Variants in ATRNL1 observed in about 807,000 individuals in gnomAD.
The protein encoded by ATRNL1 is attractin like 1.
ATRNL1 carries 95 observed loss-of-function variants against 182.7 expected under a neutral mutation model. The observed-to-expected ratio is 0.52, with a 90% CI of 0.44 to 0.62. ATRNL1 has a LOEUF of 0.62. ATRNL1 is among the 20% of genes least tolerant of loss of function. The pLI is 0.00. For synonymous variants in ATRNL1, 576 were observed against 568.3 expected, an observed-to-expected ratio of 1.01 and a Z score of -0.19; for missense variants, 1,471 against 1,679.5, an observed-to-expected ratio of 0.88 and a Z score of 2.17.
At chr10:115,868,313 T>C (rs1202297303) in intron 28 of ATRNL1, among the ~76,000 whole-genome samples, 1 of 152,194 alleles carries the variant, frequency 6.6e-6, no homozygotes, top group Non-Finnish European at 1.5e-5. Context: ...CATTGTAATC[T>C]GACTTCAGTA....
chr10:115,789,944 A>G (rs1949487844), intron 27 of ATRNL1, among the ~76,000 whole-genome samples: 1 of 152,226 alleles, frequency 6.6e-6, no homozygotes. Flanking sequence ...ATTGAAGGAT[A>G]GTGAAGAAGA....
At chr10:115,125,962 C>T (rs1445184362) in intron 3 of ATRNL1, among the ~76,000 whole-genome samples, 11 of 152,090 alleles carry the variant, frequency 7.2e-5, no homozygotes, top group South Asian at 2.1e-4. Flanking sequence ...TCAGTTGGTC[C>T]GAATTTCCTG....
At chr10:115,542,898 A>G (rs1217606708) in intron 25 of ATRNL1, among the ~76,000 whole-genome samples, 1 of 152,136 alleles carries the variant, frequency 6.6e-6, no homozygotes, top group African/African-American at 2.4e-5. Context: ...AGAGAGGGAG[A>G]GTATGCAAGT....
chr10:115,171,489 A>G (rs1847292574), intron 8 of ATRNL1, 197 bp downstream of exon 8: 1 of 423,052 alleles, frequency 2.4e-6, no homozygotes, highest in Non-Finnish European at 4.1e-6. Flanking sequence ...CTTTTTAACC[A>G]AATGAGGGGA....
intron 21 of ATRNL1, among the ~76,000 whole-genome samples, chr10:115,451,485 A>G (rs1554967614): frequency 1.3e-5 from 2 of 152,192 alleles, no homozygotes; most frequent in Non-Finnish European, 2.9e-5. Context: ...AAAGACATAC[A>G]TGTGGCCAAG....
chr10:115,315,771 T>C, intron 18 of ATRNL1, 35 bp downstream of exon 18: 1 of 1,537,900 alleles, frequency 6.5e-7, no homozygotes, highest in East Asian at 2.3e-5. Context: ...TTTCAGTTTC[T>C]GCTTAAGGGA....
chr10:115,172,037 A>G (rs533411309), intron 8 of ATRNL1, among the ~76,000 whole-genome samples: 2 of 152,038 alleles, frequency 1.3e-5, no homozygotes, highest in Non-Finnish European at 2.9e-5. Flanking sequence ...ACAACTATAT[A>G]TACAACTATT....
chr10:115,204,614 C>T (rs963840646), intron 8 of ATRNL1, among the ~76,000 whole-genome samples: 2 of 152,022 alleles, frequency 1.3e-5, no homozygotes, highest in Admixed American at 6.6e-5. Flanking sequence ...ATTAACCCAT[C>T]ATTGCTTCTT....
intron 25 of ATRNL1, among the ~76,000 whole-genome samples, chr10:115,526,277 C>A (rs530754403): frequency 6.6e-6 from 1 of 152,224 alleles, no homozygotes; most frequent in Middle Eastern, 3.4e-3. Flanking sequence ...ACAATTAGAT[C>A]ATCATCCTGC....
Position 115,268,460 on chromosome 10 carries a change from TA to T in ATRNL1, c.2100+19del, listed in dbSNP as rs1554911686. ...CTGCAGTATGGTTAGTATTTATGGG[TA>T]AATGGTGCTGTAGTTACAACAGACT... On this transcript the variant is annotated intron_variant, in intron 13 of 28. Transcript: ENST00000355044. The T allele has an allele frequency of 6.1e-6, 9 of 1,481,196 alleles. No individual in the cohort carries two copies. Among genetic ancestry groups the T allele is most frequent in the African/African-American group, 1.4e-5 (1 of 72,056 alleles). 91.8% of individuals were successfully genotyped at this position (1,481,196 alleles called of 1,614,324 possible).
chr10:115,685,435 A>G lies in ATRNL1; in HGVS notation c.3796-41813A>G, dbSNP rs1416783102. ...TTGTTAAGATAAAATTAGATAATACATGTAAGACTCACAGAGCAGTTCTGG... is the reference window on the plus strand; with the variant it reads ...TTGTTAAGATAAAATTAGATAATACGTGTAAGACTCACAGAGCAGTTCTGG... On this transcript the variant is annotated intron_variant, in intron 26 of 28. Coordinates refer to ENST00000355044, the MANE Select transcript of ATRNL1 (RefSeq NM_207303.4). Among the ~76,000 whole-genome samples, 5 of 151,854 alleles carry G rather than the reference A, an allele frequency of 3.3e-5. No homozygotes were observed. In the East Asian group the frequency reaches 7.7e-4, roughly 23 times the overall value.
intron 27 of ATRNL1, among the ~76,000 whole-genome samples, chr10:115,753,426 T>C (rs1199518247): frequency 3.3e-5 from 5 of 152,128 alleles, no homozygotes; most frequent in Admixed American, 3.3e-4. Flanking sequence ...ACATGCGGTG[T>C]TTGGTTTTCC....
chr10:115,492,350 T>A lies in ATRNL1; in HGVS notation c.3654+23021T>A, dbSNP rs114749452. Among the ~76,000 whole-genome samples the A allele has an allele frequency of 4.5e-3, 692 of 152,288 alleles. 3 individuals carry two copies. The highest frequency in any genetic ancestry group is 0.016 in the African/African-American group (662 of 41,572). On this transcript the variant is annotated intron_variant, in intron 24 of 28. Transcript: ENST00000355044. Reference sequence around the variant, plus strand: ...TTCGTCCTTGCCTTCTTGATCATTATAACTGACAATTTACTTACATTGCTA... The same window carrying A: ...TTCGTCCTTGCCTTCTTGATCATTAAAACTGACAATTTACTTACATTGCTA...
chr10:115,647,486 G>T (rs150016058), intron 26 of ATRNL1, among the ~76,000 whole-genome samples: 1 of 151,782 alleles, frequency 6.6e-6, no homozygotes, highest in Admixed American at 6.6e-5. Context: ...TTTGATGATC[G>T]CCATTCTAAC....
At chr10:115,156,043 T>G (rs1367576739) in intron 5 of ATRNL1, among the ~76,000 whole-genome samples, 1 of 152,094 alleles carries the variant, frequency 6.6e-6, no homozygotes, top group Admixed American at 6.6e-5. Flanking sequence ...ATGTGCCGTG[T>G]TGTGCCAGGC....
chr10:115,589,864 A>G (rs1050485207), intron 26 of ATRNL1, among the ~76,000 whole-genome samples: 2 of 152,198 alleles, frequency 1.3e-5, no homozygotes, highest in African/African-American at 4.8e-5. Flanking sequence ...CATCATGGTT[A>G]GTACCAGTTT....
chr10:115,278,132 G>A (rs1554915506), intron 13 of ATRNL1, among the ~76,000 whole-genome samples: 1 of 152,128 alleles, frequency 6.6e-6, no homozygotes, highest in Non-Finnish European at 1.5e-5. Flanking sequence ...ACCATTTTAT[G>A]TCATCATTAA....
Position 115,534,703 on chromosome 10 carries a change from G to A in ATRNL1, c.3717-14755G>A, listed in dbSNP as rs948216647. Among the ~76,000 whole-genome samples the A allele has an allele frequency of 7.9e-5, 12 of 152,124 alleles. No individual in the cohort carries two copies. In the East Asian group the frequency reaches 1.4e-3, roughly 17 times the overall value. The stretch of plus-strand genomic sequence containing the variant: ...GTTGATGCAGTTTCTTCCTAGTCTC[G>A]ATGGTCTTTACATTTTGGCATGATT... On this transcript the variant is annotated intron_variant, in intron 25 of 28. Coordinates refer to ENST00000355044, the MANE Select transcript of ATRNL1 (RefSeq NM_207303.4).
At chr10:115,734,584 T>TATC (rs782671011) in intron 27 of ATRNL1, among the ~76,000 whole-genome samples, 2 of 152,092 alleles carry the variant, frequency 1.3e-5, no homozygotes, top group Admixed American at 6.5e-5. Flanking sequence ...GCTCATTCGA[T>TATC]ATCTTTCTTC....
Sources: gnomAD v4.1 joint callset for allele counts (sites outside exome capture counted in the v4.1 genomes callset) on GRCh38, gnomAD v4.1.1 for gene constraint, MANE v1.5 for transcripts, NCBI Gene and HGNC (gene_info 2026-07-23, HGNC 2026-07-21) for gene names.